The following FRMD4B variants were observed in gnomAD, a reference collection of about 807,000 sequenced individuals.
The protein encoded by FRMD4B is FERM domain containing 4B.
Under a neutral mutation model 141.5 loss-of-function variants are expected in FRMD4B, and 74 were observed. That is an observed-to-expected ratio of 0.52 (90% confidence interval 0.43 to 0.63). FRMD4B has a LOEUF of 0.63. Among genes scored for constraint, FRMD4B ranks in the 30% least tolerant of loss-of-function variants. The probability of loss-of-function intolerance (pLI) is 0.00; values close to 1 mark genes in which losing one functional copy is unlikely to be tolerated. For synonymous variants in FRMD4B, 506 were observed against 467.9 expected (o/e 1.08, Z -1.05); for missense variants, 1,366 against 1,253.4 (o/e 1.09, Z -1.36).
At chr3:69,210,121 GC>G (rs2093061522) in intron 11 of FRMD4B, among the ~76,000 whole-genome samples, 1 of 152,168 alleles carries the variant, frequency 6.6e-6, no homozygotes, top group South Asian at 2.1e-4. Context: ...ACCTTCACAT[GC>G]CCTGTGGTGA....
chr3:69,210,979 T>C (rs1020021085), intron 11 of FRMD4B, among the ~76,000 whole-genome samples: 2 of 138,902 alleles, frequency 1.4e-5, no homozygotes, highest in South Asian at 4.4e-4. Flanking sequence ...GCTCGTGCCA[T>C]TGCACTCCAC....
At chr3:69,234,244 C>CAAA (rs34192296) in intron 7 of FRMD4B, among the ~76,000 whole-genome samples, 8 of 75,302 alleles carry the variant, frequency 1.1e-4, no homozygotes, top group African/African-American at 4.6e-4. Flanking sequence ...GACCCTGTCT[C>CAAA]AAAAAAAAAA....
chr3:69,343,387 G>T (rs7617709), intron 1 of FRMD4B, among the ~76,000 whole-genome samples: 29,187 of 152,014 alleles, frequency 0.19, 3,161 homozygotes, highest in African/African-American at 0.29. Context: ...TTGTCCGTTA[G>T]GTGTGGATAA....
intron 21 of FRMD4B, among the ~76,000 whole-genome samples, chr3:69,177,945 A>T (rs2092666113): frequency 6.6e-6 from 1 of 152,138 alleles, no homozygotes; most frequent in Non-Finnish European, 1.5e-5. Context: ...GGAAGAGGCG[A>T]GGTGGTAAGT....
chr3:69,507,570 T>A (rs548164075), intron 1 of FRMD4B, among the ~76,000 whole-genome samples: 1 of 152,218 alleles, frequency 6.6e-6, no homozygotes, highest in South Asian at 2.1e-4. Flanking sequence ...CAGTACCATA[T>A]TGATGGATAT....
chr3:69,213,639 T>C (rs1165065851), intron 11 of FRMD4B, among the ~76,000 whole-genome samples: 1 of 147,538 alleles, frequency 6.8e-6, no homozygotes. Flanking sequence ...GCTTGTTGAA[T>C]GATGCGCTGT....
At chr3:69,526,152 G>T (rs1498840) in intron 1 of FRMD4B, among the ~76,000 whole-genome samples, 4,892 of 152,028 alleles carry the variant, frequency 0.032, 223 homozygotes, top group East Asian at 0.12. Flanking sequence ...CAAATTATTA[G>T]AACACTCCAC....
intron 3 of FRMD4B, among the ~76,000 whole-genome samples, chr3:69,307,198 T>C (rs1575713666): frequency 6.6e-6 from 1 of 152,022 alleles, no homozygotes. Context: ...ACCATGACTA[T>C]AGTTACCTCC....
At chr3:69,384,850 A>G (rs1181790768) in intron 1 of FRMD4B, among the ~76,000 whole-genome samples, 1 of 152,152 alleles carries the variant, frequency 6.6e-6, no homozygotes, top group Non-Finnish European at 1.5e-5. Flanking sequence ...ATGAGACACA[A>G]TATAATAAGA....
intron 1 of FRMD4B, among the ~76,000 whole-genome samples, chr3:69,473,167 G>A (rs1248400217): frequency 6.6e-6 from 1 of 151,952 alleles, no homozygotes; most frequent in Non-Finnish European, 1.5e-5. Context: ...ATCTGACAAG[G>A]ATGGCAGAAG....
intron 1 of FRMD4B, among the ~76,000 whole-genome samples, chr3:69,352,186 G>A (rs1217972488): frequency 6.6e-6 from 1 of 152,164 alleles, no homozygotes; most frequent in East Asian, 1.9e-4. Flanking sequence ...TTCTCAGGAT[G>A]TTCTATGGCC....
At chr3:69,374,473 G>A (rs1477032963) in intron 1 of FRMD4B, among the ~76,000 whole-genome samples, 3 of 152,152 alleles carry the variant, frequency 2.0e-5, no homozygotes, top group African/African-American at 7.2e-5. Flanking sequence ...GTAGCATGAT[G>A]CTTATAATAA....
intron 21 of FRMD4B, among the ~76,000 whole-genome samples, chr3:69,176,906 G>A (rs2092652054): frequency 6.6e-6 from 1 of 151,982 alleles, no homozygotes; most frequent in Non-Finnish European, 1.5e-5. Flanking sequence ...ATTCTGTATA[G>A]GTATGATGCC....
In FRMD4B at chr3:69,205,351, T is replaced by C. The variant is rs369336272; in HGVS notation, c.877-6577A>G. Among the ~76,000 whole-genome samples, 158 of 152,098 alleles carry C rather than the reference T, an allele frequency of 1.0e-3. 1 individual carries two copies. Among genetic ancestry groups the C allele is most frequent in the African/African-American group, 3.6e-3 (150 of 41,502 alleles). On this transcript the variant is annotated intron_variant, in intron 11 of 22. Transcript: ENST00000398540. ...CCTGACTATATTTCTGTTTATTTCA[T>C]TGGGGGTATTTCACTGGAGGCTAAT...
intron 1 of FRMD4B, chr3:69,536,480 C>T: frequency 2.9e-6 from 2 of 699,976 alleles, no homozygotes; most frequent in South Asian, 1.5e-5. Flanking sequence ...ACGGCCACCG[C>T]CAACGTGCCC....
chr3:69,421,798 T>C (rs563641348), intron 2 of FRMD4B, among the ~76,000 whole-genome samples: 1 of 152,204 alleles, frequency 6.6e-6, no homozygotes, highest in Non-Finnish European at 1.5e-5. Flanking sequence ...AAAATTCTCT[T>C]GGATAGCCCT....
Position 69,238,867 on chromosome 3 carries a change from C to T in FRMD4B, c.581+10359G>A, listed in dbSNP as rs539301644. The stretch of plus-strand genomic sequence containing the variant: ...ATTTTACCAAACACTTTATTCCTAC[C>T]ACTCTCTGCCCAGGCTGGTGGTCGA... On this transcript the variant is annotated intron_variant, in intron 7 of 22. Coordinates refer to ENST00000398540, the MANE Select transcript of FRMD4B (RefSeq NM_015123.3). Among the ~76,000 whole-genome samples the T allele has an allele frequency of 3.9e-5, 6 of 152,252 alleles. No homozygotes were observed. The East Asian group carries it at 1.2e-3, about 29-fold the overall frequency.
At chr3:69,311,416 C>T in intron 2 of FRMD4B, 59 bp from the exon 3 acceptor site, 1 of 757,982 alleles carries the variant, frequency 1.3e-6, no homozygotes, top group Non-Finnish European at 2.4e-6. Context: ...ACTGCTACCA[C>T]CTTCCTCTGC....
At chr3:69,351,143 G>A (rs953960785) in intron 1 of FRMD4B, among the ~76,000 whole-genome samples, 1 of 151,898 alleles carries the variant, frequency 6.6e-6, no homozygotes, top group East Asian at 1.9e-4. Context: ...TGCTGTTATT[G>A]GAATAATAAA....
Sources: gnomAD v4.1 joint callset for allele counts (sites outside exome capture counted in the v4.1 genomes callset) on GRCh38, gnomAD v4.1.1 for gene constraint, MANE v1.5 for transcripts, NCBI Gene and HGNC (gene_info 2026-07-23, HGNC 2026-07-21) for gene names.